PCLAF: variants seen among roughly 807,000 people sequenced by gnomAD.
PCLAF encodes the protein PCNA-associated factor.
In PCLAF, 12 loss-of-function variants were observed where a neutral mutation model predicts 15.1. The ratio of observed to expected loss-of-function variants is 0.79; its 90% CI spans 0.51 to 1.29. The LOEUF (loss-of-function observed/expected upper bound fraction) is 1.29. Ranked by LOEUF, PCLAF falls within the 50% of genes most tolerant of loss-of-function variation. PCLAF has a pLI of 0.00. For synonymous variants in PCLAF, 33 were observed against 47.1 expected (o/e 0.70, Z 1.22); for missense variants, 116 against 130.9 (o/e 0.89, Z 0.56).
At chr15:64,380,705 A>AAAAAG (rs1899785053) in intron 2 of PCLAF, among the ~76,000 whole-genome samples, 1 of 152,128 alleles carries the variant, frequency 6.6e-6, no homozygotes, top group Admixed American at 6.5e-5. Flanking sequence ...CCCTGTCTAA[A>AAAAAG]AAAAGAAAAG....
At chr15:64,377,489 AT>A (rs1226901868) in intron 2 of PCLAF, among the ~76,000 whole-genome samples, 3,263 of 16,398 alleles carry the variant, frequency 0.2, 1,001 homozygotes, top group African/African-American at 0.26. Context: ...AAAAAAAAAA[AT>A]ATATATATAT....
upstream of PCLAF, among the ~76,000 whole-genome samples, chr15:64,383,911 C>G (rs1294726855): frequency 6.6e-6 from 1 of 151,504 alleles, no homozygotes; most frequent in African/African-American, 2.4e-5. Flanking sequence ...CATTTTAACA[C>G]CAACGATGAT....
Position 64,370,829 on chromosome 15 carries a change from G to GTTT in PCLAF, c.291-4757_291-4755dup, listed in dbSNP as rs10607183. On this transcript the variant is annotated intron_variant, in intron 3 of 3. Transcript: ENST00000300035. ...TGTAGCTACTCAGACTCATAAAGTTGTTTTTTTTTTTTTTTTTTTTTTTTT... is the reference window on the plus strand; with the variant it reads ...TGTAGCTACTCAGACTCATAAAGTTGTTTTTTTTTTTTTTTTTTTTTTTTTTTT... 2.2e-4 allele frequency among the ~76,000 whole-genome samples: 19 copies of GTTT among 85,788 alleles called. 1 individual carries two copies. The highest frequency in any genetic ancestry group is 6.5e-4 in the African/African-American group (15 of 22,948). The allele number at this position is 85,788 out of a possible 152,430, so 56.3% of individuals were successfully genotyped here.
chr15:64,369,116 C>T (rs1314734483), intron 3 of PCLAF, among the ~76,000 whole-genome samples: 1 of 152,112 alleles, frequency 6.6e-6, no homozygotes, highest in Non-Finnish European at 1.5e-5. Context: ...AATCCCAACA[C>T]TTTGGGAAGC....
At chr15:64,370,826 GTTGTTTT>G (rs1484955683) in intron 3 of PCLAF, among the ~76,000 whole-genome samples, 3 of 73,428 alleles carry the variant, frequency 4.1e-5, no homozygotes, top group African/African-American at 1.6e-4. Context: ...GACTCATAAA[GTTGTTTT>G]TTTTTTTTTT....
chr15:64,375,492 C>A (rs898696532), intron 3 of PCLAF, among the ~76,000 whole-genome samples: 4 of 152,054 alleles, frequency 2.6e-5, no homozygotes, highest in South Asian at 2.1e-4. Flanking sequence ...CTCACTGCAA[C>A]CTTCATCTCC....
chr15:64,370,767 T>A (rs1036348409), intron 3 of PCLAF, among the ~76,000 whole-genome samples: 1 of 151,178 alleles, frequency 6.6e-6, no homozygotes, highest in African/African-American at 2.4e-5. Flanking sequence ...CCAGGCTCTA[T>A]CTAAAAATAT....
At chr15:64,380,416 A>T (rs1218772222) in intron 2 of PCLAF, among the ~76,000 whole-genome samples, 3 of 151,986 alleles carry the variant, frequency 2.0e-5, no homozygotes, top group Admixed American at 6.6e-5. Flanking sequence ...GGAAAATACT[A>T]AACCAAAAAA....
At chr15:64,368,890 T>C (rs1016060709) in intron 3 of PCLAF, among the ~76,000 whole-genome samples, 9 of 152,196 alleles carry the variant, frequency 5.9e-5, no homozygotes, top group African/African-American at 1.4e-4. Flanking sequence ...TTTTATTTCC[T>C]TGATGTAAGT....
intron 3 of PCLAF, 78 bp downstream of exon 3, chr15:64,376,665 C>T (rs1448538460): frequency 1.1e-5 from 13 of 1,188,352 alleles, no homozygotes; most frequent in Admixed American, 7.1e-5. Flanking sequence ...GTGATCCTCC[C>T]GCCTCGGCCT....
chr15:64,374,595 A>AGC lies in PCLAF; in HGVS notation c.290+2146_290+2147dup, dbSNP rs1468221201. On this transcript the variant is annotated intron_variant, in intron 3 of 3. Transcript: ENST00000300035. ...TGTGGCAGCTTATGCCTGTAATCCC[A>AGC]GCACAGTGGGAGGCCAAGGCAAGTG... is the stretch of plus-strand genomic sequence containing the variant. Among the ~76,000 whole-genome samples the AGC allele has an allele frequency of 3.9e-5, 6 of 152,236 alleles. No individual in the cohort carries two copies. The East Asian group carries it at 9.6e-4, about 24-fold the overall frequency.
intron 3 of PCLAF, among the ~76,000 whole-genome samples, chr15:64,370,398 C>T (rs184130617): frequency 3.3e-5 from 5 of 149,712 alleles, no homozygotes; most frequent in African/African-American, 7.4e-5. Context: ...GACGGATTAT[C>T]GCTCTGTTGC....
intron 3 of PCLAF, among the ~76,000 whole-genome samples, chr15:64,369,407 A>C (rs1229582089): frequency 2.0e-5 from 3 of 151,320 alleles, no homozygotes; most frequent in Non-Finnish European, 4.4e-5. Context: ...CTAAAAAAAA[A>C]AGGGTATCCC....
upstream of PCLAF, among the ~76,000 whole-genome samples, chr15:64,384,890 T>C (rs1415594777): frequency 1.3e-5 from 2 of 152,154 alleles, no homozygotes; most frequent in African/African-American, 2.4e-5. Context: ...ATATGACTTA[T>C]GAGAAAAGAA....
intron 2 of PCLAF, among the ~76,000 whole-genome samples, chr15:64,377,908 C>G (rs1000047199): frequency 6.6e-6 from 1 of 150,952 alleles, no homozygotes; most frequent in African/African-American, 2.4e-5. Flanking sequence ...CCCGCCACCA[C>G]GCCCAGCTAA....
intron 1 of PCLAF, among the ~76,000 whole-genome samples, chr15:64,386,790 A>G (rs552697212): frequency 6.6e-6 from 1 of 152,312 alleles, no homozygotes; most frequent in East Asian, 1.9e-4. Flanking sequence ...AAACACTAGC[A>G]AAAAGGTAAA....
chr15:64,380,551 A>G (rs1227090203), intron 2 of PCLAF, among the ~76,000 whole-genome samples: 2 of 151,962 alleles, frequency 1.3e-5, no homozygotes, highest in Admixed American at 1.3e-4. Context: ...AAAAAATAGA[A>G]AAAAAAGCCC....
intron 2 of PCLAF, among the ~76,000 whole-genome samples, chr15:64,379,274 C>T (rs1329046313): frequency 2.0e-5 from 3 of 151,804 alleles, no homozygotes; most frequent in East Asian, 1.9e-4. Context: ...CCCAGGAGTT[C>T]GAGACCAGCC....
At chr15:64,384,201 C>T (rs554558777), upstream of PCLAF, among the ~76,000 whole-genome samples, 1 of 152,088 alleles carries the variant, frequency 6.6e-6, no homozygotes, top group Non-Finnish European at 1.5e-5. Flanking sequence ...GTGGCACGAT[C>T]TCAGCTCAAT....
Sources: gnomAD v4.1 joint callset for allele counts (sites outside exome capture counted in the v4.1 genomes callset) on GRCh38, gnomAD v4.1.1 for gene constraint, MANE v1.5 for transcripts, NCBI Gene and HGNC (gene_info 2026-07-23, HGNC 2026-07-21) for gene names.